Variants in CD8B2 observed in about 807,000 individuals in gnomAD.
CD8B2 encodes T-cell surface glycoprotein CD8 beta-2 chain.
In CD8B2, 11 loss-of-function variants were observed where a neutral mutation model predicts 23.7. The observed-to-expected ratio is 0.46, with a 90% CI of 0.29 to 0.77. The LOEUF is 0.77. Among genes scored for constraint, CD8B2 ranks in the 30% least tolerant of loss-of-function variants. The pLI is 0.09. For missense variants in CD8B2, 197 were observed against 270.5 expected, an observed-to-expected ratio of 0.73 and a Z score of 1.91; for synonymous variants, 90 against 109.3, an observed-to-expected ratio of 0.82 and a Z score of 1.10.
At chr2:106,517,479 G>T (rs1281668531) in intron 5 of CD8B2, among the ~76,000 whole-genome samples, 2 of 151,854 alleles carry the variant, frequency 1.3e-5, no homozygotes, top group Non-Finnish European at 2.9e-5. Context: ...GTTGCCTGTG[G>T]CATCTCACTG....
At chr2:106,525,533 G>A (rs1367782318) in intron 5 of CD8B2, among the ~76,000 whole-genome samples, 2 of 152,156 alleles carry the variant, frequency 1.3e-5, no homozygotes, top group African/African-American at 4.8e-5. Flanking sequence ...TTAGTGCAGT[G>A]ATAGACTGTG....
rs34580273 is a variant in CD8B2, at chr2:106,526,244, C to CAA, written c.621-17733_621-17732dup. On this transcript the variant is annotated intron_variant, in intron 5 of 5. Transcript: ENST00000416057. Reference sequence around the variant, plus strand: ...TGGGAAAGAGAGCGAGACTCCATCTCAAAAAAAAAAAAAAAATCACTTTAT... The same window carrying CAA: ...TGGGAAAGAGAGCGAGACTCCATCTCAAAAAAAAAAAAAAAAAATCACTTTAT... Among the ~76,000 whole-genome samples, 493 of 124,820 alleles carry CAA rather than the reference C, an allele frequency of 3.9e-3. 5 individuals carry two copies. The highest frequency in any genetic ancestry group is 0.013 in the African/African-American group (442 of 34,890). 81.9% of individuals were successfully genotyped at this position (124,820 alleles called of 152,430 possible).
chr2:106,532,012 C>T (rs574293656), intron 5 of CD8B2, among the ~76,000 whole-genome samples: 3 of 152,244 alleles, frequency 2.0e-5, no homozygotes, highest in Non-Finnish European at 4.4e-5. Context: ...TAACAGATCT[C>T]CAGCCAGCTG....
rs145233126 is a variant in CD8B2 at position 106,540,258 on chromosome 2, A to T, written c.621-3734A>T. Among the ~76,000 whole-genome samples, 6 of 152,310 alleles carry T rather than the reference A, an allele frequency of 3.9e-5. No individual in the cohort carries two copies. The East Asian group carries it at 1.2e-3, about 29-fold the overall frequency. On this transcript the variant is annotated intron_variant, in intron 5 of 5. Coordinates refer to the CD8B2 transcript ENST00000416057. ...TCTCAAGATGAGTGTTGGAATAATT[A>T]TGTTATTAGAAACTCAGCCTTTGTG...
At chr2:106,491,859 C>G (rs910374815) in intron 2 of CD8B2, among the ~76,000 whole-genome samples, 1 of 152,118 alleles carries the variant, frequency 6.6e-6, no homozygotes, top group Non-Finnish European at 1.5e-5. Flanking sequence ...AGGCATTATT[C>G]TTCTTATGGG....
chr2:106,544,153 C>CT (rs1246078447), exon 6 of CD8B2: 3 of 398,244 alleles, frequency 7.5e-6, no homozygotes, highest in Admixed American at 4.4e-5. Context: ...GGTGCTCAGA[C>CT]TGCATGCGTG....
rs914057438 is a variant in CD8B2 at position 106,491,154 on chromosome 2, G to A, written c.324G>A (p.Pro108=). The change falls in exon 2 of 6, where the codon CCG becomes CCA. Residue 108 remains proline (P), a synonymous_variant. Transcript: ENST00000643224. ...TTCTCAATCTCACAAGCGTGAAGCC[G>A]GAGGACAGTGGCATCTACTTCTGCA... ...RFILNLTSVK[P]EDSGIYFCMI... 3.2e-5 allele frequency: 52 copies of A among 1,613,852 alleles called. No individual in the cohort carries two copies. Among genetic ancestry groups the A allele is most frequent in the South Asian group, 4.4e-5 (4 of 91,078 alleles).
Position 106,496,493 on chromosome 2 carries a change from C to T in CD8B2, c.493+231C>T, listed in dbSNP as rs183594743. Among the ~76,000 whole-genome samples the T allele has an allele frequency of 8.4e-3, 1,275 of 152,284 alleles. 5 individuals are homozygous for T. Among genetic ancestry groups the T allele is most frequent in the Non-Finnish European group, 0.012 (822 of 68,038 alleles). ...AAGCTTAATGGAGGAGATCTCCACC[C>T]ACACCCCTGCACACAAATGTCCACA... On this transcript the variant is annotated intron_variant, in intron 3 of 5. Coordinates refer to ENST00000643224, the MANE Select transcript of CD8B2 (RefSeq NM_001349727.2).
At chr2:106,525,997 T>A (rs1384855475) in intron 5 of CD8B2, among the ~76,000 whole-genome samples, 2 of 152,230 alleles carry the variant, frequency 1.3e-5, no homozygotes, top group Non-Finnish European at 2.9e-5. Context: ...ATTCCAGGAC[T>A]TTGGGAGGCC....
chr2:106,530,123 C>G (rs1469557411), intron 5 of CD8B2, among the ~76,000 whole-genome samples: 1 of 152,154 alleles, frequency 6.6e-6, no homozygotes, highest in Admixed American at 6.5e-5. Flanking sequence ...CAGCAGTTAC[C>G]TGAAGTTCAG....
rs1353762484 is a variant in CD8B2, at chr2:106,496,279, T to C, written c.493+17T>C. The C allele has an allele frequency of 5.9e-5, 88 of 1,501,224 alleles. No homozygotes were observed. Among genetic ancestry groups the C allele is most frequent in the Non-Finnish European group, 7.4e-5 (82 of 1,114,450 alleles). The allele number at this position is 1,501,224 out of a possible 1,614,324, so 93.0% of individuals were successfully genotyped here. A position where few individuals can be genotyped will look rare whatever the true frequency, so the allele number is the denominator to read the frequency against. On this transcript the variant is annotated intron_variant, in intron 3 of 5. Coordinates refer to ENST00000643224, the MANE Select transcript of CD8B2 (RefSeq NM_001349727.2). ...CCCAGAAGGGTGAGTTCCCTATCCC[T>C]CTGCACCCTCAGAAACAAGGCAGAC...
In CD8B2 at chr2:106,534,982, C is replaced by T. The variant is rs531507575; in HGVS notation, c.621-9010C>T. Among the ~76,000 whole-genome samples the T allele has an allele frequency of 5.9e-5, 9 of 152,012 alleles. No individual in the cohort carries two copies. The South Asian group carries it at 6.2e-4, about 11-fold the overall frequency. On this transcript the variant is annotated intron_variant, in intron 5 of 5. Transcript: ENST00000416057. ...GATTACAGGCATGTGCCACCTTGCC[C>T]GGCTAATTTTTGTATTTTTAGTAGA...
chr2:106,498,175 T>G (rs1679334493), intron 3 of CD8B2, among the ~76,000 whole-genome samples: 1 of 150,492 alleles, frequency 6.6e-6, no homozygotes, highest in Non-Finnish European at 1.5e-5. Context: ...TGAAATGGAG[T>G]CTCACTCTGT....
intron 3 of CD8B2, among the ~76,000 whole-genome samples, chr2:106,496,791 G>C (rs1679308399): frequency 6.6e-6 from 1 of 151,522 alleles, no homozygotes; most frequent in Admixed American, 6.6e-5. Flanking sequence ...ATTCCTAATG[G>C]GTATAAGGTT....
At chr2:106,520,532 T>C (rs1192507086) in intron 5 of CD8B2, among the ~76,000 whole-genome samples, 1 of 152,156 alleles carries the variant, frequency 6.6e-6, no homozygotes, top group African/African-American at 2.4e-5. Flanking sequence ...TGCGATAATA[T>C]CCGAGGTTTG....
chr2:106,542,080 G>A (rs753584095), intron 5 of CD8B2, among the ~76,000 whole-genome samples: 11 of 152,260 alleles, frequency 7.2e-5, no homozygotes, highest in Non-Finnish European at 1.3e-4. Context: ...TGTCTGATAC[G>A]CCACTTGCCA....
intron 5 of CD8B2, among the ~76,000 whole-genome samples, chr2:106,525,228 C>T (rs941888318): frequency 2.0e-5 from 3 of 152,162 alleles, no homozygotes; most frequent in Non-Finnish European, 4.4e-5. Context: ...ATCTTGTCCA[C>T]GCTCACCTAG....
chr2:106,543,900 A>G, intron 5 of CD8B2: 1 of 385,838 alleles, frequency 2.6e-6, no homozygotes, highest in Non-Finnish European at 4.6e-6. Context: ...ATTTGTGCTT[A>G]TACACTGAAA....
downstream of CD8B2, among the ~76,000 whole-genome samples, chr2:106,512,145 G>A (rs1679644326): frequency 6.6e-6 from 1 of 152,198 alleles, no homozygotes; most frequent in Non-Finnish European, 1.5e-5. Flanking sequence ...GCGCACTTAT[G>A]GCTCACTGCA....
Sources: gnomAD v4.1 joint callset for allele counts (sites outside exome capture counted in the v4.1 genomes callset) on GRCh38, gnomAD v4.1.1 for gene constraint, MANE v1.5 for transcripts, NCBI Gene and HGNC (gene_info 2026-07-23, HGNC 2026-07-21) for gene names.